The following NQO2 variants were observed in gnomAD, a reference collection of about 807,000 sequenced individuals.
NQO2 encodes the protein ribosyldihydronicotinamide dehydrogenase [quinone].
A neutral mutation model predicts 22.0 loss-of-function variants in NQO2; 18 were observed. The ratio of observed to expected loss-of-function variants is 0.82; its 90% CI spans 0.56 to 1.21. The LOEUF (loss-of-function observed/expected upper bound fraction) is 1.21, where lower values mean the gene tolerates loss of function less well. NQO2 is among the 50% of genes most tolerant of loss of function. NQO2 has a pLI of 0.00. For synonymous variants in NQO2, 106 were observed against 110.8 expected (o/e 0.96, Z 0.28); for missense variants, 267 against 286.9 (o/e 0.93, Z 0.50).
chr6:3,004,266 C>T (rs1756853582), intron 1 of NQO2: 1 of 888,218 alleles, frequency 1.1e-6, no homozygotes, highest in African/African-American at 1.9e-5. Context: ...CAGGGTCTGT[C>T]CTTGGGGAAC....
intron 1 of NQO2, among the ~76,000 whole-genome samples, chr6:3,002,943 A>T (rs1479879522): frequency 6.6e-6 from 1 of 152,070 alleles, no homozygotes; most frequent in Non-Finnish European, 1.5e-5. Flanking sequence ...TTTGGTAGAG[A>T]TGGGATCTCA....
At chr6:3,014,407 G>A (rs1035400280) in intron 4 of NQO2, among the ~76,000 whole-genome samples, 1 of 152,068 alleles carries the variant, frequency 6.6e-6, no homozygotes, top group Non-Finnish European at 1.5e-5. Context: ...CCAGTATGAC[G>A]GGCCTGTATC....
Position 3,006,309 on chromosome 6 carries a change from C to G in NQO2, c.-85-159C>G. ...TTTGACATCCTGCGTGGCTTGTCCT[C>G]TGAGGCCTAAATCTCCAGAAGATTC... On this transcript the variant is annotated intron_variant, in intron 1 of 6. Transcript: ENST00000380455. This position sits in a 1 kb window ranked among gnomAD's most constrained non-coding sequence, Gnocchi z 4.0. 1 of 984,990 alleles carries G rather than the reference C, an allele frequency of 1.0e-6. No individual in the cohort carries two copies. The highest frequency in any genetic ancestry group is 1.2e-6 in the Non-Finnish European group (1 of 829,524). The allele number at this position is 984,990 out of a possible 1,614,324, so 61.0% of individuals were successfully genotyped here.
rs1182063972 is a variant in NQO2, at chr6:3,015,525, C to T, written c.304-5C>T. 2.5e-6 allele frequency: 4 copies of T among 1,611,912 alleles called. No homozygotes were observed. Among genetic ancestry groups the T allele is most frequent in the Non-Finnish European group, 2.5e-6 (3 of 1,179,328 alleles). On this transcript the variant is annotated splice_region_variant and splice_polypyrimidine_tract_variant and intron_variant, in intron 4 of 6. Coordinates refer to ENST00000380455, the MANE Select transcript of NQO2 (RefSeq NM_000904.6). ...TCAGTTTCTCTTTGGTGTTGCCGCCCACAGTTCCCGCTGTACTGGTTCAGC... is the reference window on the plus strand; with the variant it reads ...TCAGTTTCTCTTTGGTGTTGCCGCCTACAGTTCCCGCTGTACTGGTTCAGC...
intron 1 of NQO2, among the ~76,000 whole-genome samples, chr6:3,005,320 G>A (rs1054111166): frequency 1.3e-5 from 2 of 152,120 alleles, no homozygotes; most frequent in Admixed American, 6.6e-5. Context: ...ATTTTTGGGG[G>A]CACAGCACCT....
At chr6:3,002,747 CTT>C (rs774254698) in intron 1 of NQO2, among the ~76,000 whole-genome samples, 1 of 147,038 alleles carries the variant, frequency 6.8e-6, no homozygotes, top group Non-Finnish European at 1.5e-5. Flanking sequence ...ACCATCCACT[CTT>C]TTTTTTTTTG....
At chr6:3,007,714 CCTAG>C in intron 2 of NQO2, among the ~76,000 whole-genome samples, 1 of 152,350 alleles carries the variant, frequency 6.6e-6, no homozygotes, top group Admixed American at 6.5e-5. Flanking sequence ...CCTGACTCTT[CCTAG>C]AGTCCTCTTT....
At chr6:3,007,479 A>G (rs1244365382) in intron 2 of NQO2, among the ~76,000 whole-genome samples, 2 of 152,246 alleles carry the variant, frequency 1.3e-5, no homozygotes, top group Admixed American at 1.3e-4. Context: ...CCTGAAACCC[A>G]TTGCTTCAAA....
In NQO2 at chr6:3,015,389, G is replaced by A. The variant is rs540253585; in HGVS notation, c.304-141G>A. 4.4e-5 allele frequency: 64 copies of A among 1,466,266 alleles called. No homozygotes were observed. In the South Asian group the frequency reaches 7.2e-4, roughly 16 times the overall value. 90.8% of individuals were successfully genotyped at this position (1,466,266 alleles called of 1,614,324 possible). On this transcript the variant is annotated intron_variant, in intron 4 of 6. Coordinates refer to ENST00000380455, the MANE Select transcript of NQO2 (RefSeq NM_000904.6). ...CACCCACACTGCACCTTTCAGAGCTGACCATAAGGGTTACCCTCACCTGCC... is the reference window on the plus strand; with the variant it reads ...CACCCACACTGCACCTTTCAGAGCTAACCATAAGGGTTACCCTCACCTGCC...
rs755833233 is a variant in NQO2, at chr6:3,019,480, A to C, written c.521A>C (p.His174Pro). The C allele has an allele frequency of 3.1e-6, 5 of 1,612,112 alleles. No homozygotes were observed. Among genetic ancestry groups the C allele is most frequent in the East Asian group, 2.2e-5 (1 of 44,864 alleles). ...TCTTTTCTTCCCCTGTGGCTTTAGC[A>C]TGGCACATTACACTTCTGTGGATTT... is the stretch of plus-strand genomic sequence containing the variant. ...DSRYFLWPLQ[H>P]GTLHFCGFKV... Residue 174 changes from histidine (H) to proline (P), a missense_variant and splice_region_variant, in exon 7 of 7, where the codon CAT becomes CCT. Transcript: ENST00000380455.
At chr6:3,018,975 C>CT (rs140752864) in intron 6 of NQO2, among the ~76,000 whole-genome samples, 8,737 of 151,616 alleles carry the variant, frequency 0.058, 420 homozygotes, top group African/African-American at 0.13. Context: ...TTCTTAGGGC[C>CT]TATATATTTT....
chr6:3,002,129 AAGGG>A (rs902911465), intron 1 of NQO2: 47 of 811,870 alleles, frequency 5.8e-5, no homozygotes, highest in Non-Finnish European at 6.6e-5. Context: ...AGGAATACAA[AAGGG>A]AGTGGTGAGC....
intron 1 of NQO2, chr6:3,005,877 C>A (rs1756934801): frequency 1.1e-6 from 1 of 887,712 alleles, no homozygotes. Context: ...GCAGGGCCCA[C>A]AGCTACAATG....
chr6:3,016,567 G>A (rs1372201001), intron 5 of NQO2, among the ~76,000 whole-genome samples: 1 of 152,116 alleles, frequency 6.6e-6, no homozygotes, highest in Non-Finnish European at 1.5e-5. Context: ...GAGCAGCCCT[G>A]TGTGCTGGGA....
In NQO2 at chr6:2,999,923, G is replaced by C. The variant is rs989965934; in HGVS notation, c.-248G>C. ...GTTCCGGGCTGCTTAGGTTGGCACC[G>C]GTCCGTGGTCCCCGGGGGCGCAGTC... is the stretch of plus-strand genomic sequence containing the variant. On this transcript the variant is annotated 5_prime_UTR_variant, in exon 1 of 7. Coordinates refer to ENST00000380455, the MANE Select transcript of NQO2 (RefSeq NM_000904.6). 6.6e-6 allele frequency: 1 copy of C among 152,310 alleles called. No homozygotes were observed. The highest frequency in any genetic ancestry group is 1.5e-5 in the Non-Finnish European group (1 of 68,134). 9.4% of individuals were successfully genotyped at this position (152,310 alleles called of 1,614,324 possible). A position where few individuals can be genotyped will look rare whatever the true frequency, so the allele number is the denominator to read the frequency against.
chr6:3,012,532 C>T lies in NQO2; in HGVS notation c.173-12C>T, dbSNP rs776798591. The stretch of plus-strand genomic sequence containing the variant: ...ACCTAGGAGTGAGAATGTTTGGCCT[C>T]TTCCCCGACAGGTACTCTTTCTAAT... On this transcript the variant is annotated splice_polypyrimidine_tract_variant and intron_variant, in intron 3 of 6. Coordinates refer to ENST00000380455, the MANE Select transcript of NQO2 (RefSeq NM_000904.6). 2 of 1,613,988 alleles carry T rather than the reference C, an allele frequency of 1.2e-6. No individual in the cohort carries two copies. Among genetic ancestry groups the T allele is most frequent in the East Asian group, 2.2e-5 (1 of 44,878 alleles).
intron 6 of NQO2, among the ~76,000 whole-genome samples, chr6:3,018,550 G>C (rs765582714): frequency 6.6e-6 from 1 of 152,118 alleles, no homozygotes; most frequent in Non-Finnish European, 1.5e-5. Flanking sequence ...GATGTTGCCT[G>C]AGGAAAAAAA....
At chr6:3,005,601 G>A (rs1477326570) in intron 1 of NQO2, 4 of 977,958 alleles carry the variant, frequency 4.1e-6, no homozygotes, top group Non-Finnish European at 4.9e-6. Context: ...CTTTGTTGTT[G>A]TTAAGTTTTA....
intron 2 of NQO2, among the ~76,000 whole-genome samples, chr6:3,008,970 A>T (rs1757049961): frequency 6.6e-6 from 1 of 152,110 alleles, no homozygotes; most frequent in South Asian, 2.1e-4. Context: ...ACGGGGCGAA[A>T]TTAAAATTGC....
Sources: allele counts gnomAD v4.1 joint callset (sites outside exome capture counted in the v4.1 genomes callset), GRCh38; gene constraint gnomAD v4.1.1; non-coding constraint Gnocchi (gnomAD v3.1); transcripts MANE v1.5; gene names NCBI Gene and HGNC (gene_info 2026-07-23, HGNC 2026-07-21).